The following ANK2 variants were observed in gnomAD, a reference collection of about 807,000 sequenced individuals.
ANK2 encodes ankyrin-2.
ANK2 carries 83 observed loss-of-function variants against 360.5 expected under a neutral mutation model. The ratio of observed to expected loss-of-function variants is 0.23; its 90% CI spans 0.19 to 0.28. ANK2 has a LOEUF of 0.28. Among genes scored for constraint, ANK2 ranks in the 10% least tolerant of loss-of-function variants. The probability of loss-of-function intolerance (pLI) is 1.00; values close to 1 mark genes in which losing one functional copy is unlikely to be tolerated. For synonymous variants in ANK2, 1,740 were observed against 1,759.5 expected, an observed-to-expected ratio of 0.99 and a Z score of 0.28; for missense variants, 4,201 against 4,795.7, an observed-to-expected ratio of 0.88 and a Z score of 3.66.
At chr4:112,735,688 G>A in the ANK2 span, among the ~76,000 whole-genome samples, 1 of 151,840 alleles carries the variant, frequency 6.6e-6, no homozygotes, top group Non-Finnish European at 1.5e-5. Flanking sequence ...TTTTTAAATT[G>A]TGGTAAAAAA....
rs139057450 is a variant in ANK2 at position 113,306,702 on chromosome 4, T to C, written c.2548+3863T>C. On this transcript the variant is annotated intron_variant, in intron 23 of 45. Coordinates refer to ENST00000357077, the MANE Select transcript of ANK2 (RefSeq NM_001148.6). The stretch of plus-strand genomic sequence containing the variant: ...ATATCATTCCACATATATATATATA[T>C]TTTCAGTTAAGGAAAGGCTTATTTT... 2.7e-3 allele frequency among the ~76,000 whole-genome samples: 415 copies of C among 152,246 alleles called. 4 individuals carry two copies. Among genetic ancestry groups the C allele is most frequent in the African/African-American group, 9.2e-3 (382 of 41,544 alleles).
At chr4:112,712,188 T>C in the ANK2 span, among the ~76,000 whole-genome samples, 3 of 150,088 alleles carry the variant, frequency 2.0e-5, no homozygotes, top group African/African-American at 4.9e-5. Flanking sequence ...GTTCAAGCTA[T>C]TCTGCCTCAG....
chr4:113,345,237 G>A (rs577206889), intron 34 of ANK2, among the ~76,000 whole-genome samples: 2 of 152,264 alleles, frequency 1.3e-5, no homozygotes, highest in African/African-American at 4.8e-5. Context: ...TCCTAGAATA[G>A]GCAAACGTAT....
At chr4:112,944,033 C>T (rs2094402854) in intron 2 of ANK2, among the ~76,000 whole-genome samples, 1 of 152,078 alleles carries the variant, frequency 6.6e-6, no homozygotes, top group African/African-American at 2.4e-5. Flanking sequence ...GTCTATTTTG[C>T]AGAATTTTTC....
the ANK2 span, among the ~76,000 whole-genome samples, chr4:112,789,875 A>G: frequency 6.6e-6 from 1 of 152,228 alleles, no homozygotes; most frequent in Non-Finnish European, 1.5e-5. Flanking sequence ...CCAAAACGAA[A>G]TATCACCTTA....
At position 113,311,412 on chromosome 4, in the gene ANK2, AC is replaced by A; in HGVS notation, c.2693+14del. 1 of 1,613,968 alleles carries A rather than the reference AC, an allele frequency of 6.2e-7. No homozygotes were observed. Among genetic ancestry groups the A allele is most frequent in the Non-Finnish European group, 8.5e-7 (1 of 1,179,954 alleles). ...GACGATCTGACAGGTATCTCATAAA[AC>A]TTATAATTGATGTCAGCCAGAAGTA... On this transcript the variant is annotated intron_variant, in intron 24 of 45. Coordinates refer to ENST00000357077, the MANE Select transcript of ANK2 (RefSeq NM_001148.6).
intron 17 of ANK2, among the ~76,000 whole-genome samples, chr4:113,279,704 ATT>A (rs1177040725): frequency 1.3e-5 from 2 of 148,368 alleles, no homozygotes; most frequent in African/African-American, 4.9e-5. Context: ...ATATAAATAT[ATT>A]ATATATATCA....
At chr4:112,731,127 A>G in the ANK2 span, among the ~76,000 whole-genome samples, 74 of 150,116 alleles carry the variant, frequency 4.9e-4, no homozygotes, top group African/African-American at 1.7e-3. Flanking sequence ...GCGACAGAGC[A>G]AGACTCTGTC....
intron 1 of ANK2, among the ~76,000 whole-genome samples, chr4:113,149,897 A>AAAAG (rs2096982992): frequency 6.7e-6 from 1 of 150,256 alleles, no homozygotes; most frequent in Non-Finnish European, 1.5e-5. Context: ...AAAAAAAAAA[A>AAAAG]AAAGAAAGAT....
In ANK2 at chr4:112,939,332, G is replaced by A. The variant is rs370707999; in HGVS notation, c.21+34818G>A. ...TATTTTTATTTATTTATTTTGAGAC[G>A]GAGTTTCACTCTTGTTGCCCAGGCT... On this transcript the variant is annotated intron_variant, in intron 2 of 30. Transcript: ENST00000503271. Among the ~76,000 whole-genome samples, 5 of 151,986 alleles carry A rather than the reference G, an allele frequency of 3.3e-5. No homozygotes were observed. In the East Asian group the frequency reaches 7.7e-4, roughly 23 times the overall value.
chr4:112,817,102 G>A (rs925762804), upstream of ANK2, among the ~76,000 whole-genome samples: 2 of 152,114 alleles, frequency 1.3e-5, no homozygotes, highest in South Asian at 2.1e-4. Flanking sequence ...CTGTCTAAGC[G>A]GGCTATGATT....
intron 1 of ANK2, chr4:113,160,434 A>C (rs1010852439): frequency 3.5e-6 from 1 of 289,142 alleles, no homozygotes; most frequent in Non-Finnish European, 6.9e-6. Flanking sequence ...ATAAGAGCAG[A>C]TATAAATTTT....
the ANK2 span, among the ~76,000 whole-genome samples, chr4:112,712,927 C>T: frequency 3.3e-5 from 5 of 152,062 alleles, no homozygotes; most frequent in Admixed American, 6.6e-5. Context: ...ACTTAAGAGT[C>T]GTGTAACCAT....
intron 37 of ANK2, 82 bp from the exon 38 acceptor site, chr4:113,352,963 G>C (rs567051698): frequency 2.0e-6 from 3 of 1,506,168 alleles, no homozygotes; most frequent in East Asian, 2.3e-5. Flanking sequence ...AAAAGACGCT[G>C]TGTCGTTTCA....
chr4:113,297,067 A>C (rs17045863), intron 22 of ANK2, among the ~76,000 whole-genome samples: 2,934 of 152,296 alleles, frequency 0.019, 103 homozygotes, highest in African/African-American at 0.065. Flanking sequence ...TAAGTCAGTT[A>C]ACATGAAAAT....
At chr4:112,770,883 G>T in the ANK2 span, among the ~76,000 whole-genome samples, 1 of 152,150 alleles carries the variant, frequency 6.6e-6, no homozygotes, top group Non-Finnish European at 1.5e-5. Flanking sequence ...TGCGACTGCA[G>T]TTTGAAAACT....
the ANK2 span, among the ~76,000 whole-genome samples, chr4:112,766,308 A>G: frequency 1.3e-5 from 2 of 151,250 alleles, 1 homozygote; most frequent in East Asian, 3.9e-4. Flanking sequence ...CCACAGAGCA[A>G]GACTCTGTCT....
At chr4:112,754,118 T>TAC in the ANK2 span, among the ~76,000 whole-genome samples, 1 of 17,054 alleles carries the variant, frequency 5.9e-5, no homozygotes, top group Admixed American at 9.1e-4. Context: ...AAAGTATATA[T>TAC]ATATATATAT....
Position 113,360,864 on chromosome 4 carries a change from T to C in ANK2, c.10723T>C (p.Tyr3575His), listed in dbSNP as rs2096171954. The C allele has an allele frequency of 6.2e-7, 1 of 1,612,784 alleles. No individual in the cohort carries two copies. Among genetic ancestry groups the C allele is most frequent in the African/African-American group, 1.3e-5 (1 of 74,888 alleles). The change falls in exon 39 of 46, where the codon TAT becomes CAT. Residue 3575 changes from tyrosine to histidine, a missense_variant. By Grantham distance (83) the Tyr-to-His change is moderately conservative (BLOSUM62 2). This residue lies in a region of ANK2 where 2,642 missense variants were observed against 2,714.5 expected (regional missense o/e 0.97). Transcript: ENST00000357077. ...EQERIEERLA[Y>H]IADHLGFSWT... ...GGAACGGATCGAGGAAAGGCTGGCT[T>C]ATATTGCTGATCACCTTGGCTTCAG... is the stretch of plus-strand genomic sequence containing the variant.
Sources: allele counts gnomAD v4.1 joint callset (sites outside exome capture counted in the v4.1 genomes callset), GRCh38; gene constraint gnomAD v4.1.1; regional missense constraint gnomAD v4.1.1; transcripts MANE v1.5; gene names NCBI Gene and HGNC (gene_info 2026-07-23, HGNC 2026-07-21).